EFCAB5: variants seen among roughly 807,000 people sequenced by gnomAD.
EFCAB5 encodes the protein EF-hand calcium-binding domain-containing protein 5.
In EFCAB5, 131 loss-of-function variants were observed where a neutral mutation model predicts 167.9. The observed-to-expected ratio is 0.78, with a 90% CI of 0.68 to 0.90. EFCAB5 has a LOEUF of 0.90. Ranked by LOEUF, EFCAB5 falls within the 40% of genes least tolerant of loss-of-function variation. EFCAB5 has a pLI of 0.00. For missense variants in EFCAB5, 1,663 were observed against 1,745.2 expected (o/e 0.95, Z 0.84); for synonymous variants, 574 against 602.8 (o/e 0.95, Z 0.70).
chr17:30,067,820 T>C (rs2070615856), intron 14 of EFCAB5, among the ~76,000 whole-genome samples: 1 of 152,166 alleles, frequency 6.6e-6, no homozygotes, highest in Non-Finnish European at 1.5e-5. Context: ...CTGTCTATTC[T>C]AGATGTCTTA....
At chr17:29,994,415 T>C (rs1267040479) in intron 5 of EFCAB5, among the ~76,000 whole-genome samples, 5 of 151,856 alleles carry the variant, frequency 3.3e-5, no homozygotes, top group Non-Finnish European at 7.4e-5. Context: ...GTCTGAGAGT[T>C]GCTAGAAGTG....
chr17:30,003,187 CACACTGATGCTA>C (rs1460595282), intron 7 of EFCAB5, among the ~76,000 whole-genome samples: 1 of 151,658 alleles, frequency 6.6e-6, no homozygotes, highest in Non-Finnish European at 1.5e-5. Flanking sequence ...CTGTCTTTTC[CACACTGATGCTA>C]AGCCCATACC....
chr17:30,046,759 T>A (rs1446137754), intron 8 of EFCAB5, among the ~76,000 whole-genome samples: 1 of 152,192 alleles, frequency 6.6e-6, no homozygotes, highest in African/African-American at 2.4e-5. Flanking sequence ...TTTCTTTCCT[T>A]AGAGATCCTT....
intron 22 of EFCAB5, among the ~76,000 whole-genome samples, chr17:30,096,652 C>CATATATATATATATATATAT (rs200424980): frequency 1.1e-5 from 1 of 93,566 alleles, no homozygotes; most frequent in African/African-American, 4.6e-5. Context: ...ATCCTGAAAG[C>CATATATATATATATATATAT]ATATATATAT....
At chr17:30,048,973 A>G (rs868366164) in intron 8 of EFCAB5, among the ~76,000 whole-genome samples, 43 of 152,282 alleles carry the variant, frequency 2.8e-4, no homozygotes, top group Middle Eastern at 6.8e-3. Context: ...AAGAATAGCA[A>G]TACTTTTCAC....
At chr17:29,960,567 C>T (rs550749763) in intron 3 of EFCAB5, among the ~76,000 whole-genome samples, 6 of 152,270 alleles carry the variant, frequency 3.9e-5, no homozygotes, top group Admixed American at 2.6e-4. Flanking sequence ...CATGCATTAG[C>T]TATTTATCCT....
At chr17:30,037,527 T>G (rs1000262972) in intron 8 of EFCAB5, among the ~76,000 whole-genome samples, 1 of 152,112 alleles carries the variant, frequency 6.6e-6, no homozygotes, top group Non-Finnish European at 1.5e-5. Context: ...GCGAAAGATA[T>G]GAACACACAA....
At chr17:30,055,265 C>G (rs1008314321) in intron 10 of EFCAB5, among the ~76,000 whole-genome samples, 1 of 150,360 alleles carries the variant, frequency 6.7e-6, no homozygotes, top group Admixed American at 6.7e-5. Context: ...TGCACTCCAT[C>G]TAGCCTAAGC....
chr17:30,036,841 C>T (rs2069643079), intron 8 of EFCAB5, among the ~76,000 whole-genome samples: 1 of 152,146 alleles, frequency 6.6e-6, no homozygotes, highest in Non-Finnish European at 1.5e-5. Context: ...AAGAAGAATG[C>T]AAAATATGGC....
At chr17:29,974,952 A>C (rs1219813162) in intron 4 of EFCAB5, among the ~76,000 whole-genome samples, 1 of 152,088 alleles carries the variant, frequency 6.6e-6, no homozygotes. Context: ...GCACTTTGAG[A>C]AGGTGAGGGC....
chr17:30,078,560 T>C, intron 15 of EFCAB5, 56 bp downstream of exon 15: 1 of 1,471,562 alleles, frequency 6.8e-7, no homozygotes, highest in Non-Finnish European at 9.0e-7. Flanking sequence ...TAGGCGATGT[T>C]CAATGTTTGC....
chr17:30,098,109 A>T (rs1003586400), intron 22 of EFCAB5, among the ~76,000 whole-genome samples: 3 of 151,616 alleles, frequency 2.0e-5, no homozygotes, highest in African/African-American at 4.8e-5. Context: ...TAATTTTTTT[A>T]TTTTTTGTAG....
intron 14 of EFCAB5, among the ~76,000 whole-genome samples, chr17:30,071,982 T>C (rs2070748087): frequency 6.6e-6 from 1 of 152,162 alleles, no homozygotes. Flanking sequence ...TAGTGATTAC[T>C]AGAGACAGGG....
chr17:30,087,545 G>A (rs1388612315), intron 19 of EFCAB5, among the ~76,000 whole-genome samples: 2 of 152,126 alleles, frequency 1.3e-5, no homozygotes, highest in Non-Finnish European at 2.9e-5. Context: ...TGTGGTGTTT[G>A]GTTTTCTGTT....
At chr17:30,025,160 T>A (rs1464418356) in intron 7 of EFCAB5, among the ~76,000 whole-genome samples, 2 of 151,836 alleles carry the variant, frequency 1.3e-5, no homozygotes, top group Non-Finnish European at 2.9e-5. Flanking sequence ...AAGCCAAAAT[T>A]GACAAATGGG....
At chr17:29,971,720 C>T (rs1219675256) in intron 4 of EFCAB5, among the ~76,000 whole-genome samples, 3 of 152,098 alleles carry the variant, frequency 2.0e-5, no homozygotes, top group Admixed American at 2.0e-4. Flanking sequence ...ATAAATCCTG[C>T]TTGGTTGCTA....
At chr17:29,955,209 G>A (rs1163862765) in intron 3 of EFCAB5, among the ~76,000 whole-genome samples, 1 of 152,136 alleles carries the variant, frequency 6.6e-6, no homozygotes, top group Non-Finnish European at 1.5e-5. Context: ...TTTGGAATGA[G>A]GGAACATGAG....
Position 29,969,184 on chromosome 17 carries a change from A to G in EFCAB5, c.584A>G (p.Lys195Arg). 6.2e-7 allele frequency: 1 copy of G among 1,603,140 alleles called. No homozygotes were observed. Among genetic ancestry groups the G allele is most frequent in the Non-Finnish European group, 8.5e-7 (1 of 1,178,688 alleles). Reference protein sequence around the residue: ...GVENMLTQVEKKKVLTEADTP... With the variant: ...GVENMLTQVERKKVLTEADTP... ...GAAAACATGTTAACTCAAGTAGAAA[A>G]GAAGAAGGTTTTGACAGAAGCTGAT... Residue 195 changes from lysine (K) to arginine (R), a missense_variant, in exon 4 of 23, where the codon AAG becomes AGG. Lys to Arg is a conservative substitution (Grantham distance 26). Transcript: ENST00000394835.
chr17:30,025,485 G>T (rs1465830561), intron 7 of EFCAB5, among the ~76,000 whole-genome samples: 1 of 152,138 alleles, frequency 6.6e-6, no homozygotes, highest in African/African-American at 2.4e-5. Flanking sequence ...TCTCACACCA[G>T]TTAGAATGGC....
Sources: allele counts gnomAD v4.1 joint callset (sites outside exome capture counted in the v4.1 genomes callset), GRCh38; gene constraint gnomAD v4.1.1; transcripts MANE v1.5; gene names NCBI Gene and HGNC (gene_info 2026-07-23, HGNC 2026-07-21).